Variants in SLC25A48 observed in about 807,000 individuals in gnomAD.
SLC25A48 encodes CTC-321K16.1.
A neutral mutation model predicts 32.2 loss-of-function variants in SLC25A48; 29 were observed. The observed-to-expected ratio is 0.90, with a 90% CI of 0.67 to 1.23. The LOEUF is 1.23. Among genes scored for constraint, SLC25A48 ranks in the 50% most tolerant of loss-of-function variants. The pLI is 0.00. For missense variants in SLC25A48, 399 were observed against 422.7 expected, an observed-to-expected ratio of 0.94 and a Z score of 0.49; for synonymous variants, 164 against 172.3, an observed-to-expected ratio of 0.95 and a Z score of 0.38.
At chr5:135,874,830 C>T (rs1160010225) in intron 6 of SLC25A48, 6 of 548,752 alleles carry the variant, frequency 1.1e-5, no homozygotes, top group South Asian at 4.8e-5. Flanking sequence ...CATCACCCTC[C>T]GCAGGAACTA....
chr5:135,666,450 G>C (rs953324983), intron 3 of SLC25A48, among the ~76,000 whole-genome samples: 1 of 152,106 alleles, frequency 6.6e-6, no homozygotes, highest in Non-Finnish European at 1.5e-5. Context: ...AGCAGGCTAG[G>C]GTAAGGATTG....
intron 3 of SLC25A48, among the ~76,000 whole-genome samples, chr5:135,659,648 C>A (rs1245167389): frequency 6.6e-6 from 1 of 152,160 alleles, no homozygotes; most frequent in Non-Finnish European, 1.5e-5. Flanking sequence ...AAATAACTAC[C>A]TGAGACTGGG....
At chr5:135,855,891 C>T (rs1031708300) in intron 4 of SLC25A48, among the ~76,000 whole-genome samples, 4 of 152,232 alleles carry the variant, frequency 2.6e-5, no homozygotes, top group African/African-American at 9.6e-5. Flanking sequence ...CCTTGCCTTT[C>T]CTGTTAGAGC....
chr5:135,781,013 CA>C (rs1238616644), intron 3 of SLC25A48, among the ~76,000 whole-genome samples: 3 of 115,862 alleles, frequency 2.6e-5, no homozygotes, highest in African/African-American at 7.9e-5. Flanking sequence ...TCCTAATATC[CA>C]GGGGGGAGAT....
chr5:135,769,374 C>T (rs1329647450), intron 3 of SLC25A48, among the ~76,000 whole-genome samples: 1 of 149,858 alleles, frequency 6.7e-6, no homozygotes, highest in African/African-American at 2.5e-5. Flanking sequence ...TCCAAATATC[C>T]CAAGGAGTGA....
chr5:135,621,020 A>G (rs1752314593), intron 1 of SLC25A48, among the ~76,000 whole-genome samples: 1 of 152,266 alleles, frequency 6.6e-6, no homozygotes, highest in African/African-American at 2.4e-5. Flanking sequence ...GATTATCTAC[A>G]TGCTATTTTG....
chr5:135,874,838 C>G (rs1433313464), intron 6 of SLC25A48: 1 of 532,600 alleles, frequency 1.9e-6, no homozygotes, highest in East Asian at 3.4e-5. Flanking sequence ...TCCGCAGGAA[C>G]TATCCTGCTG....
chr5:135,776,776 G>A (rs1192675261), intron 3 of SLC25A48, among the ~76,000 whole-genome samples: 1 of 151,810 alleles, frequency 6.6e-6, no homozygotes, highest in East Asian at 1.9e-4. Context: ...TGCAGGGGTT[G>A]TACGCATTTC....
chr5:135,767,264 A>T (rs1301740337), intron 3 of SLC25A48, among the ~76,000 whole-genome samples: 1 of 151,022 alleles, frequency 6.6e-6, no homozygotes, highest in African/African-American at 2.4e-5. Flanking sequence ...GGTGGTCTTC[A>T]TATGGTTCGT....
chr5:135,587,750 G>A (rs17168689), intron 1 of SLC25A48, among the ~76,000 whole-genome samples: 6,566 of 152,128 alleles, frequency 0.043, 476 homozygotes, highest in African/African-American at 0.15. Context: ...GGTTCTTAAC[G>A]GTGAGCGATT....
At chr5:135,834,620 C>T (rs2126674592), upstream of SLC25A48, 8 of 554,442 alleles carry the variant, frequency 1.4e-5, no homozygotes, top group Middle Eastern at 4.8e-4. Context: ...GAGTGCTGTG[C>T]CTTTAAGGTC....
chr5:135,622,191 G>C (rs1752341157), intron 1 of SLC25A48, among the ~76,000 whole-genome samples: 1 of 152,204 alleles, frequency 6.6e-6, no homozygotes, highest in Admixed American at 6.5e-5. Context: ...GTGATACTGA[G>C]GACAGAGTGA....
intron 1 of SLC25A48, among the ~76,000 whole-genome samples, chr5:135,608,409 T>C (rs1473477164): frequency 2.0e-5 from 3 of 152,226 alleles, no homozygotes; most frequent in Non-Finnish European, 4.4e-5. Flanking sequence ...TGAGTATGTA[T>C]AGCTCAAGTT....
chr5:135,665,883 A>G (rs1055969141), intron 3 of SLC25A48, among the ~76,000 whole-genome samples: 10 of 152,010 alleles, frequency 6.6e-5, no homozygotes, highest in Non-Finnish European at 1.5e-4. Flanking sequence ...CAGGTCCCAC[A>G]CTTTGGCCTT....
intron 3 of SLC25A48, among the ~76,000 whole-genome samples, chr5:135,741,969 A>G (rs944335478): frequency 2.6e-5 from 4 of 152,180 alleles, no homozygotes; most frequent in Admixed American, 1.3e-4. Flanking sequence ...ACAGAATCCA[A>G]TGAAATGCTT....
At chr5:135,704,335 C>T (rs533960616) in intron 3 of SLC25A48, among the ~76,000 whole-genome samples, 1 of 152,360 alleles carries the variant, frequency 6.6e-6, no homozygotes, top group Non-Finnish European at 1.5e-5. Flanking sequence ...TTAACCCAGG[C>T]TTCAAGGCTT....
At chr5:135,880,215 T>C in intron 7 of SLC25A48, 118 bp downstream of exon 7, 1 of 1,392,596 alleles carries the variant, frequency 7.2e-7, no homozygotes, top group East Asian at 2.5e-5. Flanking sequence ...ACATATCTAA[T>C]CTGTGGTAGG....
chr5:135,796,983 A>AC lies in SLC25A48; in HGVS notation c.-520-15533dup, dbSNP rs139605520. On this transcript the variant is annotated intron_variant, in intron 3 of 10. Coordinates refer to the SLC25A48 transcript ENST00000646290. The stretch of plus-strand genomic sequence containing the variant: ...TCTCCCAATATCAAGGGTGGTTTTC[A>AC]CCCCCCCATGATATTGTTTCTAATA... Among the ~76,000 whole-genome samples the AC allele has an allele frequency of 6.4e-3, 967 of 151,242 alleles. 9 individuals are homozygous for AC. Among genetic ancestry groups the AC allele is most frequent in the African/African-American group, 0.022 (912 of 41,190 alleles).
chr5:135,870,066 C>T (rs1160175269), intron 4 of SLC25A48, among the ~76,000 whole-genome samples: 1 of 152,136 alleles, frequency 6.6e-6, no homozygotes, highest in Admixed American at 6.5e-5. Context: ...GTCATGAAGC[C>T]GAATGCTTCT....
Sources: allele counts gnomAD v4.1 joint callset (sites outside exome capture counted in the v4.1 genomes callset), GRCh38; gene constraint gnomAD v4.1.1; transcripts MANE v1.5; gene names NCBI Gene and HGNC (gene_info 2026-07-23, HGNC 2026-07-21).